Variants in CRYZL1 observed in about 807,000 individuals in gnomAD.
CRYZL1 encodes the protein ferry endosomal RAB5 effector complex subunit 4.
Under a neutral mutation model 50.6 loss-of-function variants are expected in CRYZL1, and 34 were observed. The observed-to-expected ratio is 0.67, with a 90% CI of 0.51 to 0.89. The LOEUF is 0.89. CRYZL1 is among the 40% of genes least tolerant of loss of function. The pLI, the probability that CRYZL1 is intolerant of heterozygous loss-of-function variation, is 0.00. For synonymous variants in CRYZL1, 125 were observed against 134.3 expected, an observed-to-expected ratio of 0.93 and a Z score of 0.48; for missense variants, 354 against 402.3, an observed-to-expected ratio of 0.88 and a Z score of 1.03.
chr21:33,631,783 A>T (rs1027697249), intron 1 of CRYZL1, among the ~76,000 whole-genome samples: 1 of 152,248 alleles, frequency 6.6e-6, no homozygotes, highest in Non-Finnish European at 1.5e-5. Context: ...ACCTTTTACT[A>T]CAAAGGCAAA....
intron 5 of CRYZL1, among the ~76,000 whole-genome samples, chr21:33,614,947 T>C (rs1435974166): frequency 6.6e-6 from 1 of 152,142 alleles, no homozygotes. Flanking sequence ...AAAAAGAATC[T>C]TGAATAATAC....
Position 33,637,329 on chromosome 21 carries a change from C to T in CRYZL1, c.-7+4352G>A, listed in dbSNP as rs553117529. ...GCGTGGTGGCGGGTGCCTGTAGTCCCAGCTACTTGGGAGGCTGAGAAGGGA... is the reference window on the plus strand; with the variant it reads ...GCGTGGTGGCGGGTGCCTGTAGTCCTAGCTACTTGGGAGGCTGAGAAGGGA... On this transcript the variant is annotated intron_variant, in intron 1 of 12. Transcript: ENST00000381554. Among the ~76,000 whole-genome samples the T allele has an allele frequency of 8.2e-4, 124 of 151,592 alleles. 1 individual carries two copies. Among genetic ancestry groups the T allele is most frequent in the African/African-American group, 2.8e-3 (116 of 41,356 alleles).
At chr21:33,597,456 A>T in intron 9 of CRYZL1, 55 bp from the exon 10 acceptor site, 1 of 1,310,048 alleles carries the variant, frequency 7.6e-7, no homozygotes, top group Non-Finnish European at 1.1e-6. Context: ...ATTTTATAAT[A>T]ATCTGACAAA....
At chr21:33,618,149 C>T (rs1032536573) in intron 4 of CRYZL1, among the ~76,000 whole-genome samples, 9 of 151,964 alleles carry the variant, frequency 5.9e-5, no homozygotes, top group Non-Finnish European at 8.8e-5. Flanking sequence ...ATTAGCCGGG[C>T]GTGGTGGTGG....
intron 2 of CRYZL1, among the ~76,000 whole-genome samples, chr21:33,625,978 A>T (rs937974843): frequency 6.8e-6 from 1 of 148,090 alleles, no homozygotes; most frequent in Non-Finnish European, 1.5e-5. Context: ...TTCTTTTTTC[A>T]TTTTTTTTTG....
chr21:33,590,000 A>G, intron 12 of CRYZL1, 79 bp from the exon 13 acceptor site: 1 of 780,302 alleles, frequency 1.3e-6, no homozygotes, highest in South Asian at 1.8e-5. Flanking sequence ...GACAAATGCT[A>G]GTGCTCAAAT....
chr21:33,620,327 C>T (rs2086979709), intron 4 of CRYZL1, among the ~76,000 whole-genome samples: 1 of 152,114 alleles, frequency 6.6e-6, no homozygotes, highest in Non-Finnish European at 1.5e-5. Flanking sequence ...CAAATTATAT[C>T]AAATGCCTGA....
At chr21:33,641,315 A>T in intron 1 of CRYZL1, 1 of 1,543,834 alleles carries the variant, frequency 6.5e-7, no homozygotes, top group Non-Finnish European at 8.7e-7. Context: ...GCTGAGAAGA[A>T]GTAACAGAGA....
At position 33,597,294 on chromosome 21, in the gene CRYZL1, C is replaced by T; in HGVS notation, c.784G>A (p.Glu262Lys). The part of the protein sequence containing the change: ...LGVGGHWVTT[E>K]ENLQLDPPDS... ...TCTGATAGTACCTGAAGGTTTTCTT[C>T]TGTTGTTACCCAGTGGCCTCCAACA... is the stretch of plus-strand genomic sequence containing the variant. Residue 262 changes from glutamate to lysine, a missense_variant, in exon 10 of 13, where the codon GAA becomes AAA. Transcript: ENST00000381554. 1.2e-6 allele frequency: 2 copies of T among 1,613,674 alleles called. No individual in the cohort carries two copies. The highest frequency in any genetic ancestry group is 1.7e-6 in the Non-Finnish European group (2 of 1,179,660).
chr21:33,617,659 G>A (rs1359601081), intron 4 of CRYZL1, among the ~76,000 whole-genome samples: 1 of 152,106 alleles, frequency 6.6e-6, no homozygotes, highest in Non-Finnish European at 1.5e-5. Flanking sequence ...GATTGAGCAA[G>A]TAGGGGGTAC....
chr21:33,615,154 C>CTTT (rs10550201), intron 5 of CRYZL1, among the ~76,000 whole-genome samples: 2 of 123,632 alleles, frequency 1.6e-5, no homozygotes, highest in Non-Finnish European at 3.4e-5. Flanking sequence ...TTCTTTCTCT[C>CTTT]TTTTTTTTTT....
chr21:33,640,409 A>C (rs1290332866), intron 1 of CRYZL1, among the ~76,000 whole-genome samples: 1 of 151,868 alleles, frequency 6.6e-6, no homozygotes, highest in Non-Finnish European at 1.5e-5. Context: ...CCCGAGTTTG[A>C]ATCGGGGCTT....
At position 33,599,380 on chromosome 21, in the gene CRYZL1, G is replaced by C. The variant is rs1475137819; in HGVS notation, c.578-132C>G. The stretch of plus-strand genomic sequence containing the variant: ...GAGTTAAGCAATTCAAACAATTACT[G>C]AATTTAAAGGGAGAAAGTCAATTTA... On this transcript the variant is annotated intron_variant, in intron 8 of 12. Transcript: ENST00000381554. 5.0e-5 allele frequency: 60 copies of C among 1,208,942 alleles called. 1 individual carries two copies. The highest frequency in any genetic ancestry group is 6.9e-5 in the Non-Finnish European group (58 of 839,316). 74.9% of individuals were successfully genotyped at this position (1,208,942 alleles called of 1,614,324 possible). A position where few individuals can be genotyped will look rare whatever the true frequency, so the allele number is the denominator to read the frequency against.
intron 2 of CRYZL1, among the ~76,000 whole-genome samples, chr21:33,626,770 C>T (rs2087070054): frequency 6.6e-6 from 1 of 151,864 alleles, no homozygotes; most frequent in Non-Finnish European, 1.5e-5. Context: ...CAATGTCATC[C>T]ACCTATATTA....
chr21:33,630,120 C>T (rs2087120104), intron 2 of CRYZL1, among the ~76,000 whole-genome samples: 1 of 152,124 alleles, frequency 6.6e-6, no homozygotes, highest in African/African-American at 2.4e-5. Flanking sequence ...GATATCAAAA[C>T]CACAGGAAGA....
At chr21:33,598,344 G>A (rs1193031033) in intron 9 of CRYZL1, among the ~76,000 whole-genome samples, 1 of 152,178 alleles carries the variant, frequency 6.6e-6, no homozygotes, top group Non-Finnish European at 1.5e-5. Context: ...CCACACTATA[G>A]TCATAACCAT....
Position 33,616,751 on chromosome 21 carries a change from C to T in CRYZL1, c.218-1G>A. 1.2e-6 allele frequency: 2 copies of T among 1,600,308 alleles called. No individual in the cohort carries two copies. The highest frequency in any genetic ancestry group is 1.7e-6 in the Non-Finnish European group (2 of 1,172,730). Reference sequence around the variant, plus strand: ...TGAAAGAATGATACCTTGCTTCCAACTAAAGAGTGAAGAAAATTAATAGTT... The same window carrying T: ...TGAAAGAATGATACCTTGCTTCCAATTAAAGAGTGAAGAAAATTAATAGTT... On this transcript the variant is annotated splice_acceptor_variant, in intron 4 of 12. Transcript: ENST00000381554. LOFTEE classifies it high-confidence loss of function.
At chr21:33,631,751 C>G (rs1005273583) in intron 1 of CRYZL1, among the ~76,000 whole-genome samples, 194 bp from the exon 2 acceptor site, 1 of 152,132 alleles carries the variant, frequency 6.6e-6, no homozygotes, top group Admixed American at 6.5e-5. Context: ...ACCTGTCTTA[C>G]TGAGAATGGG....
chr21:33,608,525 C>T (rs1467230692), intron 6 of CRYZL1, among the ~76,000 whole-genome samples: 3 of 152,146 alleles, frequency 2.0e-5, no homozygotes, highest in East Asian at 1.9e-4. Context: ...TGTCCATCAA[C>T]ACTCCATTCT....
Sources: gnomAD v4.1 joint callset for allele counts (sites outside exome capture counted in the v4.1 genomes callset) on GRCh38, gnomAD v4.1.1 for gene constraint, MANE v1.5 for transcripts, NCBI Gene and HGNC (gene_info 2026-07-23, HGNC 2026-07-21) for gene names.